The following CTNNA2 variants were observed in gnomAD, a reference collection of about 807,000 sequenced individuals.
CTNNA2 encodes catenin alpha 2.
In CTNNA2, 42 loss-of-function variants were observed where a neutral mutation model predicts 101.0. The observed-to-expected ratio is 0.42, with a 90% CI of 0.32 to 0.54. CTNNA2 has a LOEUF of 0.54. CTNNA2 is among the 20% of genes least tolerant of loss of function. The pLI is 0.14. For missense variants in CTNNA2, 871 were observed against 1,223.1 expected (o/e 0.71, Z 4.29); for synonymous variants, 450 against 456.4 (o/e 0.99, Z 0.18).
chr2:79,811,519 C>G (rs1677037097), intron 3 of CTNNA2, among the ~76,000 whole-genome samples: 1 of 152,040 alleles, frequency 6.6e-6, no homozygotes, highest in South Asian at 2.1e-4. Flanking sequence ...TTCACCTTTT[C>G]TAAAAGTCAA....
chr2:80,100,745 G>A (rs1295082961), intron 7 of CTNNA2, among the ~76,000 whole-genome samples: 1 of 152,172 alleles, frequency 6.6e-6, no homozygotes, highest in Non-Finnish European at 1.5e-5. Flanking sequence ...TTCGTCTGAG[G>A]CTTGAATCTC....
chr2:80,004,473 G>A (rs1693185572), intron 7 of CTNNA2, among the ~76,000 whole-genome samples: 2 of 152,062 alleles, frequency 1.3e-5, no homozygotes, highest in Non-Finnish European at 2.9e-5. Flanking sequence ...GACATCAGGA[G>A]CAACAAATAC....
At position 80,404,316 on chromosome 2, in the gene CTNNA2, G is replaced by A. The variant is rs550327939; in HGVS notation, c.1137+11025G>A. Among the ~76,000 whole-genome samples, 258 of 151,442 alleles carry A rather than the reference G, an allele frequency of 1.7e-3. 4 individuals are homozygous for A. The highest frequency in any genetic ancestry group is 5.7e-3 in the African/African-American group (235 of 41,286). On this transcript the variant is annotated intron_variant, in intron 8 of 18. Transcript: ENST00000402739. ...TTCTTTTTTAGTCTAGCTAGCAGTCGATTTTATTATTTTTTTCAAAAAAAC... is the reference window on the plus strand; with the variant it reads ...TTCTTTTTTAGTCTAGCTAGCAGTCAATTTTATTATTTTTTTCAAAAAAAC...
intron 7 of CTNNA2, among the ~76,000 whole-genome samples, chr2:80,343,695 G>T (rs539192321): frequency 2.6e-5 from 4 of 152,070 alleles, no homozygotes; most frequent in African/African-American, 2.4e-5. Flanking sequence ...TTCTGATCAC[G>T]ATCCTTTTGA....
At chr2:80,630,831 T>C (rs1276392868) in intron 18 of CTNNA2, among the ~76,000 whole-genome samples, 1 of 152,172 alleles carries the variant, frequency 6.6e-6, no homozygotes, top group Non-Finnish European at 1.5e-5. Flanking sequence ...ATTATGATGA[T>C]GAGTAACTCT....
At chr2:80,242,623 G>A (rs893654097) in intron 7 of CTNNA2, among the ~76,000 whole-genome samples, 1 of 152,172 alleles carries the variant, frequency 6.6e-6, no homozygotes, top group Non-Finnish European at 1.5e-5. Context: ...ATTTTGCGCT[G>A]CAGCAGGAAA....
At chr2:79,963,070 CAAAAAAA>C (rs56764501) in intron 7 of CTNNA2, among the ~76,000 whole-genome samples, 3 of 66,190 alleles carry the variant, frequency 4.5e-5, no homozygotes, top group Admixed American at 2.2e-4. Context: ...GACTCCGTCT[CAAAAAAA>C]AAAAAAAAAA....
intron 7 of CTNNA2, among the ~76,000 whole-genome samples, chr2:80,224,382 C>G (rs1249230489): frequency 6.6e-6 from 1 of 152,140 alleles, no homozygotes; most frequent in African/African-American, 2.4e-5. Context: ...TATCTCTTTG[C>G]CAGGTTTTCA....
intron 7 of CTNNA2, among the ~76,000 whole-genome samples, chr2:80,100,017 C>T (rs552496672): frequency 2.0e-5 from 3 of 152,226 alleles, no homozygotes; most frequent in East Asian, 3.9e-4. Context: ...GCAACCTCCA[C>T]CTCCCAGATT....
intron 7 of CTNNA2, among the ~76,000 whole-genome samples, chr2:80,110,312 AATAATT>A (rs1165205433): frequency 6.6e-6 from 1 of 152,196 alleles, no homozygotes; most frequent in Non-Finnish European, 1.5e-5. Context: ...TCATTCTGTT[AATAATT>A]ATAAAGTTTG....
intron 2 of CTNNA2, among the ~76,000 whole-genome samples, chr2:79,204,948 G>A (rs1353944104): frequency 6.6e-6 from 1 of 152,246 alleles, no homozygotes; most frequent in African/African-American, 2.4e-5. Context: ...TGAGGATTAG[G>A]TGTCCAACAC....
intron 7 of CTNNA2, among the ~76,000 whole-genome samples, chr2:80,377,668 T>C (rs750925950): frequency 2.0e-5 from 3 of 152,190 alleles, no homozygotes; most frequent in South Asian, 2.1e-4. Context: ...ATTGATTTAT[T>C]TATCAAAGCA....
chr2:80,381,279 A>T (rs886906065), intron 7 of CTNNA2, among the ~76,000 whole-genome samples: 1 of 151,986 alleles, frequency 6.6e-6, no homozygotes, highest in Non-Finnish European at 1.5e-5. Context: ...AAAAGACAGC[A>T]TAAGTGGGCT....
Position 80,609,882 on chromosome 2 carries a change from G to T in CTNNA2, c.2430+1564G>T, listed in dbSNP as rs1032558390. On this transcript the variant is annotated intron_variant, in intron 17 of 18. Transcript: ENST00000402739. ...CTCTCAGTACCCATTGTTTGTCACT[G>T]CCTCCAAAGCTTCATTTCCATTGTC... Among the ~76,000 whole-genome samples, 36 of 151,666 alleles carry T rather than the reference G, an allele frequency of 2.4e-4. 1 individual carries two copies. The highest frequency in any genetic ancestry group is 8.6e-4 in the Admixed American group (13 of 15,182).
chr2:79,576,588 G>C (rs911494290), intron 1 of CTNNA2, among the ~76,000 whole-genome samples: 18 of 152,026 alleles, frequency 1.2e-4, no homozygotes, highest in African/African-American at 4.3e-4. Flanking sequence ...GTAAGACTAG[G>C]TATTAGTATG....
At chr2:80,551,957 T>G (rs1692591848) in intron 11 of CTNNA2, among the ~76,000 whole-genome samples, 1 of 152,226 alleles carries the variant, frequency 6.6e-6, no homozygotes, top group Admixed American at 6.5e-5. Context: ...TCCTTTCACT[T>G]GAATACTTAA....
chr2:80,401,718 T>C (rs758018247), intron 8 of CTNNA2, among the ~76,000 whole-genome samples: 20 of 152,036 alleles, frequency 1.3e-4, no homozygotes, highest in Admixed American at 2.6e-4. Flanking sequence ...CCTTGGCCTC[T>C]ATTAGACCTT....
Position 79,815,622 on chromosome 2 carries a change from C to A in CTNNA2, c.299-42391C>A, listed in dbSNP as rs575895724. On this transcript the variant is annotated intron_variant, in intron 3 of 18. Coordinates refer to ENST00000402739, the MANE Select transcript of CTNNA2 (RefSeq NM_001282597.3). ...CTATTCTGTTCCATTGGTCTATGTGCCTATTTTTATACCAGTATCACACTG... is the reference window on the plus strand; with the variant it reads ...CTATTCTGTTCCATTGGTCTATGTGACTATTTTTATACCAGTATCACACTG... Among the ~76,000 whole-genome samples the A allele has an allele frequency of 3.3e-5, 5 of 152,116 alleles. No homozygotes were observed. The South Asian group carries it at 1.0e-3, about 32-fold the overall frequency.
At chr2:80,150,918 T>C (rs1703657281) in intron 7 of CTNNA2, among the ~76,000 whole-genome samples, 1 of 152,180 alleles carries the variant, frequency 6.6e-6, no homozygotes. Flanking sequence ...GGTAAGCTGC[T>C]GGATGTGGAA....
Sources: allele counts gnomAD v4.1 joint callset (sites outside exome capture counted in the v4.1 genomes callset), GRCh38; gene constraint gnomAD v4.1.1; transcripts MANE v1.5; gene names NCBI Gene and HGNC (gene_info 2026-07-23, HGNC 2026-07-21).